The following CRHR2 variants were observed in gnomAD, a reference collection of about 807,000 sequenced individuals.
CRHR2 encodes the protein corticotropin-releasing hormone receptor 2.
CRHR2 carries 53 observed loss-of-function variants against 57.9 expected under a neutral mutation model. The observed-to-expected ratio is 0.92, with a 90% CI of 0.73 to 1.15. The LOEUF (loss-of-function observed/expected upper bound fraction) is 1.15. Among genes scored for constraint, CRHR2 ranks in the 50% most tolerant of loss-of-function variants. CRHR2 has a pLI of 0.00. For missense variants in CRHR2, 532 were observed against 542.6 expected, an observed-to-expected ratio of 0.98 and a Z score of 0.19; for synonymous variants, 213 against 220.9, an observed-to-expected ratio of 0.96 and a Z score of 0.32.
upstream of CRHR2, among the ~76,000 whole-genome samples, chr7:30,683,615 A>C (rs1400459227): frequency 6.6e-6 from 1 of 152,170 alleles, no homozygotes; most frequent in East Asian, 1.9e-4. Flanking sequence ...CTGCCATGGT[A>C]CCCCAGGCAG....
chr7:30,681,940 G>T lies in CRHR2; in HGVS notation c.204C>A (p.Phe68Leu), dbSNP rs2128148645. ...ALVERPCPEY[F>L]NGVKYNTTRN... ...GGGTCGTGTTGTACTTGACGCCGTT[G>T]AAGTACTCGGGGCACGGCCTCTCCA... is the stretch of plus-strand genomic sequence containing the variant. The change falls in exon 2 of 12, where the codon TTC (phenylalanine) becomes TTA (leucine). Residue 68 changes from phenylalanine to leucine, a missense_variant. Coordinates refer to ENST00000471646, the MANE Select transcript of CRHR2 (RefSeq NM_001883.5). 6.2e-7 allele frequency: 1 copy of T among 1,612,390 alleles called. No individual in the cohort carries two copies.
chr7:30,682,523 A>C (rs1784759259), upstream of CRHR2: 2 of 1,255,186 alleles, frequency 1.6e-6, no homozygotes, highest in Non-Finnish European at 2.0e-6. Context: ...CGCCGCGGCC[A>C]ATGGCTGCGC....
chr7:30,687,523 A>G (rs571899119), intron 2 of CRHR2, among the ~76,000 whole-genome samples: 1 of 152,344 alleles, frequency 6.6e-6, no homozygotes, highest in Non-Finnish European at 1.5e-5. Context: ...GATATGAGGC[A>G]TTATAAAAAT....
rs145932513 is a variant in CRHR2, at chr7:30,681,949, G to A, written c.195C>T (p.Pro65=). The part of the protein sequence containing the change: ...AAGALVERPC[P]EYFNGVKYNT... ...TGTACTTGACGCCGTTGAAGTACTC[G>A]GGGCACGGCCTCTCCACGAGGGCTC... is the stretch of plus-strand genomic sequence containing the variant. Residue 65 remains proline (P), a synonymous_variant, in exon 2 of 12, where the codon CCC becomes CCT. Coordinates refer to ENST00000471646, the MANE Select transcript of CRHR2 (RefSeq NM_001883.5). 210 of 1,612,128 alleles carry A rather than the reference G, an allele frequency of 1.3e-4. No homozygotes were observed. The African/African-American group carries it at 2.5e-3, about 19-fold the overall frequency.
chr7:30,661,526 C>T (rs1783999690), intron 7 of CRHR2, among the ~76,000 whole-genome samples: 1 of 152,210 alleles, frequency 6.6e-6, no homozygotes, highest in Non-Finnish European at 1.5e-5. Context: ...CAGATCCCCT[C>T]TGCTCTCTCC....
Position 30,662,183 on chromosome 7 carries a change from A to G in CRHR2, c.731T>C (p.Ile244Thr). ...IPFPIIVAWAIGKLYYENEQC... is the reference protein window; with the variant it reads ...IPFPIIVAWATGKLYYENEQC... ...TTCATTCTCATAGTAGAGCTTGCCG[A>G]TGGCCCAGGCGACGATGATGGGGAA... The change falls in exon 7 of 12, where the codon ATC becomes ACC. Residue 244 changes from isoleucine to threonine, a missense_variant. Ile to Thr is a moderately conservative substitution (Grantham distance 89). Coordinates refer to ENST00000471646, the MANE Select transcript of CRHR2 (RefSeq NM_001883.5). 2 of 1,614,114 alleles carry G rather than the reference A, an allele frequency of 1.2e-6. No individual in the cohort carries two copies. Among genetic ancestry groups the G allele is most frequent in the African/African-American group, 1.3e-5 (1 of 75,012 alleles).
At chr7:30,662,266 T>C in intron 6 of CRHR2, 50 bp from the exon 7 acceptor site, 15 of 1,598,202 alleles carry the variant, frequency 9.4e-6, no homozygotes, top group Non-Finnish European at 1.3e-5. Flanking sequence ...ACAGGGACTT[T>C]CTTGTAGGAC....
At chr7:30,668,441 C>T (rs531880486) in intron 2 of CRHR2, among the ~76,000 whole-genome samples, 2 of 152,250 alleles carry the variant, frequency 1.3e-5, no homozygotes, top group Admixed American at 6.5e-5. Flanking sequence ...AGCTCTCTGA[C>T]TAATGGGCAG....
At chr7:30,654,903 C>T in intron 11 of CRHR2, 136 bp downstream of exon 11, 1 of 1,551,710 alleles carries the variant, frequency 6.4e-7, no homozygotes. Context: ...ATTCCTGTTC[C>T]CCTAAGGCCG....
chr7:30,662,068 C>T lies in CRHR2; in HGVS notation c.758+88G>A, dbSNP rs562004610. ...TCTAGGTGTGGCTACAATTCCTGCTCCACGGCTTGGCCAGAGCCCAAGGCT... is the reference window on the plus strand; with the variant it reads ...TCTAGGTGTGGCTACAATTCCTGCTTCACGGCTTGGCCAGAGCCCAAGGCT... On this transcript the variant is annotated intron_variant, in intron 7 of 11. Coordinates refer to ENST00000471646, the MANE Select transcript of CRHR2 (RefSeq NM_001883.5). The T allele has an allele frequency of 2.8e-6, 4 of 1,424,054 alleles. No homozygotes were observed. The South Asian group carries it at 3.6e-5, about 13-fold the overall frequency. 88.2% of individuals were successfully genotyped at this position (1,424,054 alleles called of 1,614,324 possible).
At position 30,665,056 on chromosome 7, in the gene CRHR2, C is replaced by G. The variant is rs376545794; in HGVS notation, c.543+14G>C. 1 of 1,609,416 alleles carries G rather than the reference C, an allele frequency of 6.2e-7. No homozygotes were observed. The highest frequency in any genetic ancestry group is 1.3e-5 in the African/African-American group (1 of 74,768). ...GCCCCCCAGGTATAGCCCCGAGTCT[C>G]CCCGAGCAATGACCTCATTGCTCTC... On this transcript the variant is annotated intron_variant, in intron 5 of 11. Transcript: ENST00000471646. This position sits in a 1 kb window ranked among gnomAD's most constrained non-coding sequence, Gnocchi z 4.5.
chr7:30,656,258 G>A lies in CRHR2; in HGVS notation c.832-246C>T, dbSNP rs529412791. 1.3e-5 allele frequency among the ~76,000 whole-genome samples: 2 copies of A among 152,170 alleles called. No individual in the cohort carries two copies. Among genetic ancestry groups the A allele is most frequent in the Non-Finnish European group, 2.9e-5 (2 of 68,018 alleles). Reference sequence around the variant, plus strand: ...CCAGGACTGAGGAGGAAAGGTGGCAGCCTCTGTGGGTCGTGACCGAGAGCA... The same window carrying A: ...CCAGGACTGAGGAGGAAAGGTGGCAACCTCTGTGGGTCGTGACCGAGAGCA... On this transcript the variant is annotated intron_variant, in intron 8 of 11. Transcript: ENST00000471646. The surrounding 1 kb of genome is among the most constrained non-coding windows in gnomAD (Gnocchi z 4.4).
chr7:30,676,167 C>T (rs143091991), intron 2 of CRHR2, among the ~76,000 whole-genome samples: 99 of 152,296 alleles, frequency 6.5e-4, no homozygotes, highest in Middle Eastern at 3.4e-3. Context: ...AGGCTGGACT[C>T]GGAACATAGA....
intron 6 of CRHR2, 113 bp from the exon 7 acceptor site, chr7:30,662,329 G>T: frequency 7.9e-7 from 1 of 1,259,200 alleles, no homozygotes; most frequent in Non-Finnish European, 1.1e-6. Flanking sequence ...TCTTCCAACA[G>T]CAGGCCACCC....
chr7:30,699,866 C>G, intron 1 of CRHR2: 1 of 1,222,616 alleles, frequency 8.2e-7, no homozygotes, highest in East Asian at 3.1e-5. Context: ...GCCCTGAGAC[C>G]CCCGCCCCTA....
intron 2 of CRHR2, 78 bp from the exon 3 acceptor site, chr7:30,667,391 G>A (rs1784222171): frequency 3.2e-6 from 4 of 1,255,138 alleles, no homozygotes; most frequent in Non-Finnish European, 4.7e-6. Context: ...GTGCCCACAG[G>A]ATAAGGTGTA....
Position 30,662,864 on chromosome 7 carries a change from G to A in CRHR2, c.544-17C>T, listed in dbSNP as rs1167113711. ...GCACCAGACCTGTGTGCAGGGCAGA[G>A]AGGCTGTCAGGAGGCAGCTTGGGGC... is the stretch of plus-strand genomic sequence containing the variant. On this transcript the variant is annotated splice_polypyrimidine_tract_variant and intron_variant, in intron 5 of 11. Transcript: ENST00000471646. The A allele has an allele frequency of 6.2e-7, 1 of 1,612,646 alleles. No individual in the cohort carries two copies. Among genetic ancestry groups the A allele is most frequent in the Admixed American group, 1.7e-5 (1 of 59,960 alleles).
chr7:30,655,586 C>G lies in CRHR2; in HGVS notation c.1047G>C (p.Ser349=), dbSNP rs2240403. 8.7e-6 allele frequency: 14 copies of G among 1,611,876 alleles called. No individual in the cohort carries two copies. Among genetic ancestry groups the G allele is most frequent in the Non-Finnish European group, 1.0e-5 (12 of 1,178,782 alleles). The part of the protein sequence containing the change: ...MFIYFNSFLQ[S]FQGFFVSVFY... ...ATCTGGTCACAGGCCCCACCTGGAA[C>G]GACTGCAGGAAGGAGTTGAAATAGA... Residue 349 remains serine, a synonymous_variant, in exon 10 of 12, where the codon TCG becomes TCC. Coordinates refer to ENST00000471646, the MANE Select transcript of CRHR2 (RefSeq NM_001883.5).
chr7:30,693,455 C>T (rs1784997917), intron 1 of CRHR2, among the ~76,000 whole-genome samples: 1 of 152,184 alleles, frequency 6.6e-6, no homozygotes, highest in Admixed American at 6.5e-5. Flanking sequence ...GGGAGGGTGG[C>T]ATCCAGTGAG....
Sources: gnomAD v4.1 joint callset for allele counts (sites outside exome capture counted in the v4.1 genomes callset) on GRCh38, gnomAD v4.1.1 for gene constraint, Gnocchi (gnomAD v3.1) non-coding constraint, MANE v1.5 for transcripts, NCBI Gene and HGNC (gene_info 2026-07-23, HGNC 2026-07-21) for gene names.